Variants in DCC observed in about 807,000 individuals in gnomAD.
DCC encodes DCC netrin 1 receptor.
In DCC, 58 loss-of-function variants were observed where a neutral mutation model predicts 172.5. The ratio of observed to expected loss-of-function variants is 0.34; its 90% confidence interval spans 0.27 to 0.42. DCC has a LOEUF of 0.42. Ranked by LOEUF, DCC falls within the 10% of genes least tolerant of loss-of-function variation. The pLI is 1.00. For synonymous variants in DCC, 709 were observed against 644.5 expected (o/e 1.10, Z -1.52); for missense variants, 1,740 against 1,791.0 (o/e 0.97, Z 0.51).
At chr18:52,877,968 C>G (rs1948990667) in intron 2 of DCC, among the ~76,000 whole-genome samples, 1 of 152,028 alleles carries the variant, frequency 6.6e-6, no homozygotes, top group African/African-American at 2.4e-5. Context: ...TGTTCCATTT[C>G]TATACCCATG....
At chr18:53,060,383 G>A (rs1408295520) in intron 5 of DCC, among the ~76,000 whole-genome samples, 1 of 152,056 alleles carries the variant, frequency 6.6e-6, no homozygotes, top group Non-Finnish European at 1.5e-5. Flanking sequence ...CCCCATTTAA[G>A]TGAGAAAAGT....
chr18:53,387,340 A>T lies in DCC; in HGVS notation c.2455+1202A>T, dbSNP rs117503698. ...TATATTGATTTTAGTAGTATTATTT[A>T]AGGCAAAGTTGCTATTGTAGTCTCT... On this transcript the variant is annotated intron_variant, in intron 16 of 28. Coordinates refer to ENST00000442544, the MANE Select transcript of DCC (RefSeq NM_005215.4). Among the ~76,000 whole-genome samples the T allele has an allele frequency of 1.4e-4, 21 of 152,324 alleles. No homozygotes were observed. In the East Asian group the frequency reaches 4.0e-3, roughly 29 times the overall value.
intron 12 of DCC, among the ~76,000 whole-genome samples, chr18:53,303,204 T>C (rs900302466): frequency 2.0e-5 from 3 of 152,238 alleles, no homozygotes; most frequent in African/African-American, 7.2e-5. Context: ...TTTCTTTTAA[T>C]TCATCTTCCA....
rs187117021 is a variant in DCC, at chr18:52,836,075, C to T, written c.413-69969C>T. On this transcript the variant is annotated intron_variant, in intron 2 of 28. Coordinates refer to ENST00000442544, the MANE Select transcript of DCC (RefSeq NM_005215.4). ...GCAGCAGGAAGGAGGCTAATGAGTGCCCAGTGAAGGGGGAAGCCTGTTATA... is the reference window on the plus strand; with the variant it reads ...GCAGCAGGAAGGAGGCTAATGAGTGTCCAGTGAAGGGGGAAGCCTGTTATA... Among the ~76,000 whole-genome samples the T allele has an allele frequency of 2.1e-3, 320 of 152,182 alleles. 2 individuals carry two copies. Among genetic ancestry groups the T allele is most frequent in the Non-Finnish European group, 1.5e-3 (101 of 68,012 alleles).
intron 7 of DCC, among the ~76,000 whole-genome samples, chr18:53,087,583 C>T (rs2042934113): frequency 6.6e-6 from 1 of 152,116 alleles, no homozygotes; most frequent in Non-Finnish European, 1.5e-5. Flanking sequence ...GTTTCTTTTG[C>T]TGTGCAGAAG....
chr18:52,921,822 G>A (rs1294233807), intron 3 of DCC, among the ~76,000 whole-genome samples: 2 of 151,586 alleles, frequency 1.3e-5, no homozygotes, highest in African/African-American at 4.8e-5. Flanking sequence ...TTAGCTAGAA[G>A]ATTAAGTAGA....
At chr18:52,402,382 T>C (rs933435294) in intron 1 of DCC, among the ~76,000 whole-genome samples, 1 of 151,986 alleles carries the variant, frequency 6.6e-6, no homozygotes, top group Admixed American at 6.6e-5. Flanking sequence ...TCGCATGTTT[T>C]CAACTCCCTG....
intron 1 of DCC, among the ~76,000 whole-genome samples, chr18:52,608,432 T>C (rs72917007): frequency 6.6e-6 from 1 of 152,124 alleles, no homozygotes; most frequent in Non-Finnish European, 1.5e-5. Flanking sequence ...GACAGAGAAG[T>C]GTTCTGGAGA....
In DCC at chr18:52,370,962, C is replaced by T. The variant is rs549379269; in HGVS notation, c.91+30084C>T. Among the ~76,000 whole-genome samples, 19 of 152,226 alleles carry T rather than the reference C, an allele frequency of 1.2e-4. No individual in the cohort carries two copies. The East Asian group carries it at 1.4e-3, about 11-fold the overall frequency. ...CAGATGGAGATAATGGAACAGACTT[C>T]GGTAAATACAGAGAGCATGCTAGAG... On this transcript the variant is annotated intron_variant, in intron 1 of 28. Coordinates refer to ENST00000442544, the MANE Select transcript of DCC (RefSeq NM_005215.4).
chr18:53,499,350 G>A lies in DCC; in HGVS notation c.3951G>A (p.Gln1317=). ...TQQPPMLPPS[Q]PEHSSSEEAP... ...AACCACCTATGCTGCCCCCATCTCA[G>A]CCTGAGCATTCTAGCAGCGAGGAGG... Residue 1317 remains glutamine, a synonymous_variant, in exon 27 of 29, where the codon CAG becomes CAA. Coordinates refer to ENST00000442544, the MANE Select transcript of DCC (RefSeq NM_005215.4). 3.7e-6 allele frequency: 6 copies of A among 1,614,014 alleles called. No homozygotes were observed. The highest frequency in any genetic ancestry group is 5.1e-6 in the Non-Finnish European group (6 of 1,179,994).
At chr18:52,692,226 T>G (rs80179977) in intron 1 of DCC, among the ~76,000 whole-genome samples, 1,863 of 152,264 alleles carry the variant, frequency 0.012, 40 homozygotes, top group African/African-American at 0.043. Context: ...GTTTTATTTT[T>G]CAATCTTCTG....
intron 1 of DCC, among the ~76,000 whole-genome samples, chr18:52,605,386 C>T (rs1482225258): frequency 1.3e-5 from 2 of 152,140 alleles, no homozygotes; most frequent in Admixed American, 1.3e-4. Flanking sequence ...ACTGCAATTA[C>T]AACTAAGAAG....
intron 5 of DCC, among the ~76,000 whole-genome samples, chr18:52,969,481 C>A (rs1297344042): frequency 1.3e-5 from 2 of 151,902 alleles, no homozygotes; most frequent in African/African-American, 4.8e-5. Flanking sequence ...CTTTATAATC[C>A]TCCTTTACAA....
intron 5 of DCC, among the ~76,000 whole-genome samples, chr18:53,044,660 C>T (rs965071997): frequency 6.6e-6 from 1 of 151,840 alleles, no homozygotes; most frequent in Admixed American, 6.6e-5. Context: ...TCTGCCCCAC[C>T]TGAAATTCAG....
At chr18:52,753,233 T>C (rs747381485) in intron 2 of DCC, among the ~76,000 whole-genome samples, 2 of 152,144 alleles carry the variant, frequency 1.3e-5, no homozygotes, top group Admixed American at 1.3e-4. Flanking sequence ...TAATTTACAT[T>C]TTCACCAACA....
At chr18:53,516,640 C>T (rs1426347168) in intron 27 of DCC, among the ~76,000 whole-genome samples, 6 of 151,012 alleles carry the variant, frequency 4.0e-5, no homozygotes, top group Non-Finnish European at 5.9e-5. Flanking sequence ...GGGCAAAGCA[C>T]ATGAACAGAC....
chr18:52,587,045 G>A (rs1328451930), intron 1 of DCC, among the ~76,000 whole-genome samples: 1 of 152,212 alleles, frequency 6.6e-6, no homozygotes, highest in East Asian at 1.9e-4. Flanking sequence ...ACTGGGTGCA[G>A]GATAATCAAA....
At chr18:53,400,764 A>G (rs1373900495) in intron 18 of DCC, among the ~76,000 whole-genome samples, 1 of 152,182 alleles carries the variant, frequency 6.6e-6, no homozygotes, top group Non-Finnish European at 1.5e-5. Context: ...TTTTAAATTA[A>G]ATAACTAATT....
At chr18:52,576,664 C>T (rs1181550307) in intron 1 of DCC, among the ~76,000 whole-genome samples, 2 of 151,802 alleles carry the variant, frequency 1.3e-5, no homozygotes, top group African/African-American at 4.8e-5. Context: ...CCCATCTTTA[C>T]GAAAAATACA....
Sources: gnomAD v4.1 joint callset for allele counts (sites outside exome capture counted in the v4.1 genomes callset) on GRCh38, gnomAD v4.1.1 for gene constraint, MANE v1.5 for transcripts, NCBI Gene and HGNC (gene_info 2026-07-23, HGNC 2026-07-21) for gene names.